Variants in ADCK1 observed in about 807,000 individuals in gnomAD.
ADCK1 encodes aarF domain-containing protein kinase 1.
A neutral mutation model predicts 52.3 loss-of-function variants in ADCK1; 41 were observed. The ratio of observed to expected loss-of-function variants is 0.78; its 90% CI spans 0.61 to 1.02. The LOEUF (loss-of-function observed/expected upper bound fraction) is 1.02, where lower values mean the gene tolerates loss of function less well. ADCK1 is among the 50% of genes least tolerant of loss of function. The pLI is 0.00. For synonymous variants in ADCK1, 250 were observed against 274.6 expected (o/e 0.91, Z 0.89); for missense variants, 658 against 679.5 (o/e 0.97, Z 0.35).
chr14:77,904,196 C>T (rs901554414), intron 6 of ADCK1, among the ~76,000 whole-genome samples: 11 of 152,166 alleles, frequency 7.2e-5, no homozygotes, highest in African/African-American at 2.2e-4. Flanking sequence ...TAAGAGCAAT[C>T]GATGTTTTTT....
intron 7 of ADCK1, chr14:77,914,210 C>G (rs2083863518): frequency 6.2e-6 from 1 of 162,344 alleles, no homozygotes; most frequent in Non-Finnish European, 1.3e-5. Flanking sequence ...CTCAGTAGCT[C>G]CCTGCAGCAA....
chr14:77,805,890 G>T (rs2081213637), intron 1 of ADCK1, among the ~76,000 whole-genome samples: 1 of 151,124 alleles, frequency 6.6e-6, no homozygotes, highest in African/African-American at 2.4e-5. Flanking sequence ...CAAATCTTGT[G>T]ACCTCTGATC....
intron 4 of ADCK1, 47 bp from the exon 5 acceptor site, chr14:77,887,044 G>A: frequency 6.7e-7 from 1 of 1,500,882 alleles, no homozygotes; most frequent in Admixed American, 2.1e-5. Flanking sequence ...CCCTCTCACT[G>A]AACTGGGTCA....
intron 3 of ADCK1, among the ~76,000 whole-genome samples, chr14:77,831,466 T>G (rs2081847936): frequency 6.6e-6 from 1 of 152,228 alleles, no homozygotes; most frequent in African/African-American, 2.4e-5. Context: ...ATTCTGCTAA[T>G]CTTTACATCT....
chr14:77,907,285 T>C (rs2083688079), intron 6 of ADCK1, among the ~76,000 whole-genome samples: 1 of 152,172 alleles, frequency 6.6e-6, no homozygotes, highest in South Asian at 2.1e-4. Flanking sequence ...TATCCAATGT[T>C]GTCTGCCCCA....
intron 2 of ADCK1, among the ~76,000 whole-genome samples, chr14:77,821,592 CTA>C (rs1463929145): frequency 6.6e-6 from 1 of 151,892 alleles, no homozygotes; most frequent in Non-Finnish European, 1.5e-5. Context: ...AAGACTTATG[CTA>C]TTAGGGCCAG....
chr14:77,914,980 C>T (rs937079857), intron 7 of ADCK1, among the ~76,000 whole-genome samples: 1 of 152,120 alleles, frequency 6.6e-6, no homozygotes, highest in Non-Finnish European at 1.5e-5. Context: ...CTACCTTTCC[C>T]CTTGTCACCA....
chr14:77,860,412 G>T (rs988428485), intron 4 of ADCK1, among the ~76,000 whole-genome samples: 4 of 152,212 alleles, frequency 2.6e-5, no homozygotes, highest in African/African-American at 9.6e-5. Context: ...AAGACCAGTG[G>T]TTCCCTTTTT....
intron 7 of ADCK1, among the ~76,000 whole-genome samples, chr14:77,921,859 A>G (rs2084069894): frequency 6.6e-6 from 1 of 151,990 alleles, no homozygotes; most frequent in Admixed American, 6.6e-5. Context: ...TCAATGTAGT[A>G]ATAGGGGGCC....
Position 77,887,192 on chromosome 14 carries a change from G to A in ADCK1, c.525G>A (p.Val175=). 1 of 1,610,866 alleles carries A rather than the reference G, an allele frequency of 6.2e-7. No homozygotes were observed. The highest frequency in any genetic ancestry group is 1.1e-5 in the South Asian group (1 of 90,546). Residue 175 remains valine (V), a synonymous_variant, in exon 5 of 11, where the codon GTG becomes GTA. Coordinates refer to ENST00000238561, the MANE Select transcript of ADCK1 (RefSeq NM_020421.4). ...AVLHDGRTVA[V]KVQHPKVRAQ... The stretch of plus-strand genomic sequence containing the variant: ...TGCATGATGGGCGGACGGTGGCCGT[G>A]AAGGTCCAGCACCCAAAGGTGCGGG...
chr14:77,924,717 C>A, intron 8 of ADCK1, 111 bp downstream of exon 8: 3 of 1,409,864 alleles, frequency 2.1e-6, no homozygotes, highest in Non-Finnish European at 2.9e-6. Flanking sequence ...CTGGAAAGGA[C>A]CCTTCCCTCT....
intron 4 of ADCK1, among the ~76,000 whole-genome samples, chr14:77,871,028 G>C (rs1297228633): frequency 6.6e-6 from 1 of 152,234 alleles, no homozygotes; most frequent in Admixed American, 6.5e-5. Flanking sequence ...AGGAGCCTCA[G>C]GCCTGCCCAG....
intron 1 of ADCK1, 53 bp from the exon 2 acceptor site, chr14:77,818,915 T>C: frequency 6.3e-7 from 1 of 1,590,212 alleles, no homozygotes; most frequent in Non-Finnish European, 8.6e-7. Flanking sequence ...TCAGTTTGAC[T>C]AACTATGAAA....
At chr14:77,825,413 TTA>T (rs1397211390) in intron 3 of ADCK1, among the ~76,000 whole-genome samples, 3 of 152,158 alleles carry the variant, frequency 2.0e-5, no homozygotes, top group Non-Finnish European at 4.4e-5. Flanking sequence ...CCATTTGTCA[TTA>T]GAGATGGTTA....
intron 4 of ADCK1, among the ~76,000 whole-genome samples, chr14:77,869,933 G>A (rs1022324763): frequency 5.9e-5 from 9 of 152,146 alleles, no homozygotes; most frequent in African/African-American, 2.2e-4. Context: ...ATGTTGTACC[G>A]GGTTAAATAG....
Position 77,914,363 on chromosome 14 carries a change from C to T in ADCK1, c.858+6444C>T, listed in dbSNP as rs972511059. 1.5e-5 allele frequency: 15 copies of T among 981,278 alleles called. No homozygotes were observed. In the South Asian group the frequency reaches 4.7e-4, roughly 31 times the overall value. The allele number at this position is 981,278 out of a possible 1,614,324, so 60.8% of individuals were successfully genotyped here. A position where few individuals can be genotyped will look rare whatever the true frequency, so the allele number is the denominator to read the frequency against. ...GGAGTAGAGTCCGTGGCCTGGGTTC[C>T]ACCTGCCATGCTTAGCCAGAAGCCC... On this transcript the variant is annotated intron_variant, in intron 7 of 10. Coordinates refer to ENST00000238561, the MANE Select transcript of ADCK1 (RefSeq NM_020421.4).
chr14:77,851,746 TC>T (rs1284392553), intron 3 of ADCK1, among the ~76,000 whole-genome samples: 11 of 152,190 alleles, frequency 7.2e-5, no homozygotes, highest in African/African-American at 2.7e-4. Flanking sequence ...TCGTATACTT[TC>T]ATTGCTTCTG....
At position 77,848,203 on chromosome 14, in the gene ADCK1, G is replaced by A. The variant is rs145463301; in HGVS notation, c.220-10873G>A. Among the ~76,000 whole-genome samples the A allele has an allele frequency of 7.3e-3, 1,106 of 152,294 alleles. 7 individuals are homozygous for A. Among genetic ancestry groups the A allele is most frequent in the African/African-American group, 0.025 (1,050 of 41,548 alleles). ...TACAGGCATGAGCCCCGGCCTGGAT[G>A]TTTTTCTTCTCACTTACAAGGAATG... On this transcript the variant is annotated intron_variant, in intron 3 of 10. Transcript: ENST00000238561.
intron 5 of ADCK1, 88 bp downstream of exon 5, chr14:77,887,337 T>C: frequency 2.1e-6 from 3 of 1,401,642 alleles, no homozygotes; most frequent in Non-Finnish European, 2.8e-6. Context: ...TTCAAGCTGG[T>C]GAGTGGAGTG....
Sources: gnomAD v4.1 joint callset for allele counts (sites outside exome capture counted in the v4.1 genomes callset) on GRCh38, gnomAD v4.1.1 for gene constraint, MANE v1.5 for transcripts, NCBI Gene and HGNC (gene_info 2026-07-23, HGNC 2026-07-21) for gene names.